DLC1: variants seen among roughly 807,000 people sequenced by gnomAD.
DLC1 encodes the protein DLC1 Rho GTPase activating protein, also known as rho GTPase-activating protein 7.
Under a neutral mutation model 140.3 loss-of-function variants are expected in DLC1, and 54 were observed. That is an observed-to-expected ratio of 0.38 (90% CI 0.31 to 0.48). DLC1 has a LOEUF of 0.48. Ranked by LOEUF, DLC1 falls within the 20% of genes least tolerant of loss-of-function variation. DLC1 has a pLI of 0.96. For synonymous variants in DLC1, 986 were observed against 728.1 expected, an observed-to-expected ratio of 1.35 and a Z score of -5.70; for missense variants, 2,536 against 1,907.0, an observed-to-expected ratio of 1.33 and a Z score of -6.14.
chr8:13,384,439 G>C (rs963357106), intron 4 of DLC1, among the ~76,000 whole-genome samples: 1 of 152,176 alleles, frequency 6.6e-6, no homozygotes, highest in Non-Finnish European at 1.5e-5. Context: ...GTGGGAGAAT[G>C]ATCTCACAAC....
intron 10 of DLC1, among the ~76,000 whole-genome samples, chr8:13,096,518 A>C (rs1818510314): frequency 6.6e-6 from 1 of 152,130 alleles, no homozygotes; most frequent in Non-Finnish European, 1.5e-5. Context: ...AGTGTGCATA[A>C]TACTCGCTTT....
intron 1 of DLC1, among the ~76,000 whole-genome samples, chr8:13,566,061 T>C (rs1368408104): frequency 6.6e-6 from 1 of 152,226 alleles, no homozygotes; most frequent in East Asian, 1.9e-4. Context: ...GCTATGTGTC[T>C]GCTGATTGCT....
intron 5 of DLC1, chr8:13,214,910 A>T: frequency 1.5e-6 from 1 of 650,298 alleles, no homozygotes; most frequent in Non-Finnish European, 2.8e-6. Flanking sequence ...TGGGAATAAG[A>T]TATTGTCAAA....
intron 2 of DLC1, among the ~76,000 whole-genome samples, chr8:13,424,084 T>A (rs72603958): frequency 0.073 from 11,131 of 152,258 alleles, 552 homozygotes; most frequent in East Asian, 0.14. Context: ...TGTTTCCTTA[T>A]GCTATTGAAA....
At chr8:13,268,758 A>T (rs1830792999) in intron 5 of DLC1, among the ~76,000 whole-genome samples, 2 of 151,366 alleles carry the variant, frequency 1.3e-5, no homozygotes, top group African/African-American at 4.9e-5. Context: ...TGTTTATAGG[A>T]TACTCTTGGC....
At chr8:13,459,757 A>T (rs1018350434) in intron 2 of DLC1, among the ~76,000 whole-genome samples, 1 of 152,226 alleles carries the variant, frequency 6.6e-6, no homozygotes, top group African/African-American at 2.4e-5. Context: ...ATTTTTAGAA[A>T]AAAAAGGAAA....
rs1444904908 is a variant in DLC1, at chr8:13,091,249, G to A, written c.3855+69C>T. The A allele has an allele frequency of 1.5e-5, 23 of 1,507,466 alleles. No homozygotes were observed. The Admixed American group carries it at 2.3e-4, about 15-fold the overall frequency. 93.4% of individuals were successfully genotyped at this position (1,507,466 alleles called of 1,614,324 possible). A position where few individuals can be genotyped will look rare whatever the true frequency, so the allele number is the denominator to read the frequency against. On this transcript the variant is annotated intron_variant, in intron 14 of 17. Transcript: ENST00000276297. ...GTCTTCAGGTAAGACATGAACAAGGGTCAAGCCTAAGATTTTGTACCTATT... is the reference window on the plus strand; with the variant it reads ...GTCTTCAGGTAAGACATGAACAAGGATCAAGCCTAAGATTTTGTACCTATT...
At position 13,474,298 on chromosome 8, in the gene DLC1, G is replaced by T. The variant is rs554909741; in HGVS notation, c.1023+24751C>A. 1.1e-3 allele frequency among the ~76,000 whole-genome samples: 173 copies of T among 152,300 alleles called. 1 individual carries two copies. The highest frequency in any genetic ancestry group is 4.0e-3 in the African/African-American group (166 of 41,548). The stretch of plus-strand genomic sequence containing the variant: ...ATGGTGTTGAGTCTGTGGGTGTGCA[G>T]AAGTCAAGAATTGGGGATTGGAAAC... On this transcript the variant is annotated intron_variant, in intron 2 of 17. Coordinates refer to ENST00000276297, the MANE Select transcript of DLC1 (RefSeq NM_182643.3).
intron 5 of DLC1, among the ~76,000 whole-genome samples, chr8:13,193,899 T>C (rs911412647): frequency 6.6e-6 from 1 of 152,202 alleles, no homozygotes; most frequent in African/African-American, 2.4e-5. Flanking sequence ...TGGTAACTTT[T>C]AGGGAATATC....
intron 5 of DLC1, among the ~76,000 whole-genome samples, chr8:13,191,607 A>T (rs1382598477): frequency 6.6e-6 from 1 of 152,222 alleles, no homozygotes; most frequent in African/African-American, 2.4e-5. Flanking sequence ...GAATTTGATC[A>T]TGGGAGGCTT....
At chr8:13,314,151 T>G (rs1832780141) in intron 4 of DLC1, among the ~76,000 whole-genome samples, 1 of 151,784 alleles carries the variant, frequency 6.6e-6, no homozygotes, top group Admixed American at 6.6e-5. Flanking sequence ...ACAAGATTTA[T>G]CACTTACTGA....
chr8:13,101,179 G>A (rs2128938318), intron 8 of DLC1, among the ~76,000 whole-genome samples: 1 of 152,236 alleles, frequency 6.6e-6, no homozygotes, highest in East Asian at 1.9e-4. Flanking sequence ...CCAAAGTGTT[G>A]GGATTACAGG....
chr8:13,531,709 G>C (rs1803104055), intron 1 of DLC1, among the ~76,000 whole-genome samples: 1 of 152,152 alleles, frequency 6.6e-6, no homozygotes, highest in Non-Finnish European at 1.5e-5. Flanking sequence ...TTTCCTGGGG[G>C]AAAGTCAATT....
At chr8:13,340,849 T>G (rs1834008207) in intron 4 of DLC1, 1 of 152,250 alleles carries the variant, frequency 6.6e-6, no homozygotes, top group Admixed American at 6.5e-5. Context: ...CTTAAAAATC[T>G]AACAGATATA....
intron 5 of DLC1, among the ~76,000 whole-genome samples, chr8:13,226,509 G>C (rs1340568943): frequency 1.3e-5 from 2 of 152,194 alleles, no homozygotes; most frequent in African/African-American, 4.8e-5. Flanking sequence ...CCTATGGCCA[G>C]TTTACAGGGA....
intron 4 of DLC1, among the ~76,000 whole-genome samples, chr8:13,366,374 C>T (rs1563288373): frequency 6.6e-6 from 1 of 152,138 alleles, no homozygotes; most frequent in Non-Finnish European, 1.5e-5. Flanking sequence ...AAGATGGACA[C>T]TGTCCATGGC....
At chr8:13,554,221 C>A (rs1353309887) in intron 1 of DLC1, among the ~76,000 whole-genome samples, 1 of 152,096 alleles carries the variant, frequency 6.6e-6, no homozygotes, top group African/African-American at 2.4e-5. Context: ...GGCCCGCCAA[C>A]ACACCCTGCT....
intron 2 of DLC1, among the ~76,000 whole-genome samples, chr8:13,437,715 C>G (rs771177655): frequency 2.4e-4 from 36 of 152,150 alleles, no homozygotes; most frequent in Non-Finnish European, 4.3e-4. Flanking sequence ...ATCTTTCAGT[C>G]CATGACCTGG....
chr8:13,528,795 C>T (rs1478830937), intron 1 of DLC1, among the ~76,000 whole-genome samples: 1 of 152,174 alleles, frequency 6.6e-6, no homozygotes, highest in Admixed American at 6.5e-5. Context: ...ACAAAAACAA[C>T]TCCACATGCA....
Sources: allele counts gnomAD v4.1 joint callset (sites outside exome capture counted in the v4.1 genomes callset), GRCh38; gene constraint gnomAD v4.1.1; transcripts MANE v1.5; gene names NCBI Gene and HGNC (gene_info 2026-07-23, HGNC 2026-07-21).